WNK1: variants seen among roughly 807,000 people sequenced by gnomAD.
The protein encoded by WNK1 is serine/threonine-protein kinase WNK1.
Under a neutral mutation model 222.8 loss-of-function variants are expected in WNK1, and 38 were observed. That is an observed-to-expected ratio of 0.17 (90% CI 0.13 to 0.22). The LOEUF is 0.22. Ranked by LOEUF, WNK1 falls within the 10% of genes least tolerant of loss-of-function variation. The pLI, the probability that WNK1 is intolerant of heterozygous loss-of-function variation, is 1.00. For missense variants in WNK1, 2,348 were observed against 2,918.4 expected (o/e 0.80, Z 4.50); for synonymous variants, 1,090 against 1,092.9 (o/e 1.00, Z 0.05).
At chr12:793,466 G>A (rs1236038229) in intron 1 of WNK1, among the ~76,000 whole-genome samples, 1 of 152,008 alleles carries the variant, frequency 6.6e-6, no homozygotes, top group East Asian at 1.9e-4. Flanking sequence ...TTTTTCAATT[G>A]GTAGTAAAAC....
rs535384213 is a variant in WNK1 at position 802,147 on chromosome 12, T to TTAC, written c.760-11495_760-11494insTAC. 7.9e-5 allele frequency among the ~76,000 whole-genome samples: 12 copies of TTAC among 152,294 alleles called. No individual in the cohort carries two copies. In the South Asian group the frequency reaches 2.5e-3, roughly 32 times the overall value. ...AATATGGTACATATACTTCTAGAAATAGTAGATATTTTAGGTTGTACGTGA... is the reference window on the plus strand; with the variant it reads ...AATATGGTACATATACTTCTAGAAATTACAGTAGATATTTTAGGTTGTACGTGA... On this transcript the variant is annotated intron_variant, in intron 1 of 27. Coordinates refer to ENST00000315939, the MANE Select transcript of WNK1 (RefSeq NM_018979.4).
intron 1 of WNK1, among the ~76,000 whole-genome samples, chr12:786,688 A>T (rs1944340085): frequency 6.6e-6 from 1 of 152,114 alleles, no homozygotes; most frequent in Admixed American, 6.6e-5. Context: ...GCTGGTGTCG[A>T]ACTCCTTACC....
At chr12:882,922 A>T (rs1953309268) in intron 14 of WNK1, 21 bp from the exon 15 acceptor site, 1 of 1,435,362 alleles carries the variant, frequency 7.0e-7, no homozygotes. Flanking sequence ...TTTGGAGATG[A>T]TGTACCTTTT....
rs1196870120 is a variant in WNK1, at chr12:909,844, A to T, written c.*1052A>T. 1.3e-5 allele frequency: 2 copies of T among 152,202 alleles called. No homozygotes were observed. The highest frequency in any genetic ancestry group is 4.8e-5 in the African/African-American group (2 of 41,448). 9.4% of individuals were successfully genotyped at this position (152,202 alleles called of 1,614,324 possible). A position where few individuals can be genotyped will look rare whatever the true frequency, so the allele number is the denominator to read the frequency against. On this transcript the variant is annotated 3_prime_UTR_variant, in exon 28 of 28. Coordinates refer to ENST00000315939, the MANE Select transcript of WNK1 (RefSeq NM_018979.4). ...AGGGAAATTGAAAAAGTATTTTTTT[A>T]AGTCATTCAACAACTTTGTCTAGAG...
intron 1 of WNK1, among the ~76,000 whole-genome samples, chr12:803,555 G>A (rs1946079030): frequency 6.6e-6 from 1 of 152,116 alleles, no homozygotes; most frequent in Admixed American, 6.6e-5. Context: ...GGCTGAGGCG[G>A]GTGGATCACC....
chr12:784,308 A>T (rs11064531), intron 1 of WNK1, among the ~76,000 whole-genome samples: 1 of 152,112 alleles, frequency 6.6e-6, no homozygotes, highest in African/African-American at 2.4e-5. Context: ...GCTAATGGCT[A>T]CTATTACTGG....
chr12:807,351 T>C (rs963109613), intron 1 of WNK1, among the ~76,000 whole-genome samples: 2 of 151,984 alleles, frequency 1.3e-5, no homozygotes. Flanking sequence ...CTTTTATTTC[T>C]TTAAGTGAAA....
intron 4 of WNK1, among the ~76,000 whole-genome samples, chr12:839,205 A>G (rs1418063476): frequency 6.6e-6 from 1 of 152,210 alleles, no homozygotes; most frequent in Non-Finnish European, 1.5e-5. Context: ...GATTTTGAGT[A>G]TCTTGTCAAG....
intron 9 of WNK1, among the ~76,000 whole-genome samples, chr12:873,453 A>G (rs1273601885): frequency 6.6e-6 from 1 of 152,174 alleles, no homozygotes; most frequent in Non-Finnish European, 1.5e-5. Flanking sequence ...TTTGTTTTAG[A>G]TACTTTTATA....
chr12:812,174 T>G (rs1209909761), intron 1 of WNK1, among the ~76,000 whole-genome samples: 1 of 152,214 alleles, frequency 6.6e-6, no homozygotes, highest in Non-Finnish European at 1.5e-5. Flanking sequence ...CTTTGCAAGT[T>G]GATCATTCTG....
chr12:795,400 G>T (rs189112920), intron 1 of WNK1, among the ~76,000 whole-genome samples: 1 of 151,588 alleles, frequency 6.6e-6, no homozygotes, highest in Non-Finnish European at 1.5e-5. Flanking sequence ...TGTCAGTGGC[G>T]GGGCCAGCTG....
rs558602951 is a variant in WNK1, at chr12:790,668, G to T, written c.760-22974G>T. On this transcript the variant is annotated intron_variant, in intron 1 of 27. Transcript: ENST00000315939. ...TGCAACGTGCTCTGTGAGATTAAGG[G>T]CTCACAAGAAACTGCTAATCACAGT... is the stretch of plus-strand genomic sequence containing the variant. Among the ~76,000 whole-genome samples, 16 of 152,218 alleles carry T rather than the reference G, an allele frequency of 1.1e-4. 1 individual carries two copies. The South Asian group carries it at 2.5e-3, about 24-fold the overall frequency.
intron 2 of WNK1, among the ~76,000 whole-genome samples, chr12:822,384 C>A (rs1352845543): frequency 6.6e-6 from 1 of 152,144 alleles, no homozygotes; most frequent in African/African-American, 2.4e-5. Context: ...TAAGCCACCG[C>A]CCGCAGCCGT....
intron 1 of WNK1, among the ~76,000 whole-genome samples, chr12:803,894 C>T (rs1245123671): frequency 1.3e-5 from 2 of 152,122 alleles, no homozygotes; most frequent in Non-Finnish European, 2.9e-5. Flanking sequence ...TATGCTAAAA[C>T]CAATCCATTG....
In WNK1 at chr12:883,576, C is replaced by G. The variant is rs1048572799; in HGVS notation, c.3663+8C>G. The G allele has an allele frequency of 1.1e-5, 17 of 1,613,954 alleles. No individual in the cohort carries two copies. The Admixed American group carries it at 2.3e-4, about 22-fold the overall frequency. ...GGCTTTTCAGGTTCTCAGGTAGGTTCACCACTCCCATAGTGAAACTTTGTT... is the reference window on the plus strand; with the variant it reads ...GGCTTTTCAGGTTCTCAGGTAGGTTGACCACTCCCATAGTGAAACTTTGTT... On this transcript the variant is annotated splice_region_variant and intron_variant, in intron 16 of 27. Transcript: ENST00000315939.
intron 27 of WNK1, 115 bp from the exon 28 acceptor site, chr12:908,360 C>T (rs1462652071): frequency 2.6e-6 from 3 of 1,136,290 alleles, no homozygotes; most frequent in East Asian, 2.4e-5. Flanking sequence ...CCAATAAATA[C>T]TACAGAAGAC....
At chr12:882,847 G>A (rs1592162580) in intron 14 of WNK1, 96 bp from the exon 15 acceptor site, 1 of 801,644 alleles carries the variant, frequency 1.2e-6, no homozygotes. Flanking sequence ...TGCTTCCTTA[G>A]ACATAAAGTC....
rs1290299901 is a variant in WNK1, at chr12:871,313, G to A, written c.2188G>A (p.Val730Ile). Residue 730 changes from valine to isoleucine, a missense_variant, in exon 9 of 28, where the codon GTT becomes ATT. Val to Ile is a conservative substitution (Grantham distance 29). Around this residue, in one of 13 missense-constraint regions of WNK1, gnomAD observed 547 missense variants for 558.3 expected, o/e 0.98. Transcript: ENST00000315939. ...GQPSSSSLTG[V>I]SSSQPIQHPQ... ...GCCATCCTCAAGTAGCTTAACAGGG[G>A]TTTCATCTTCCCAACCCATACAACA... The A allele has an allele frequency of 6.2e-7, 1 of 1,614,108 alleles. No individual in the cohort carries two copies. Among genetic ancestry groups the A allele is most frequent in the Non-Finnish European group, 8.5e-7 (1 of 1,180,028 alleles).
intron 1 of WNK1, among the ~76,000 whole-genome samples, chr12:803,978 C>T (rs1400150523): frequency 1.3e-5 from 2 of 152,088 alleles, no homozygotes; most frequent in African/African-American, 4.8e-5. Flanking sequence ...TTACACTTAT[C>T]AAGAGATTAG....
Sources: gnomAD v4.1 joint callset for allele counts (sites outside exome capture counted in the v4.1 genomes callset) on GRCh38, gnomAD v4.1.1 for gene constraint, gnomAD v4.1.1 regional missense constraint, MANE v1.5 for transcripts, NCBI Gene and HGNC (gene_info 2026-07-23, HGNC 2026-07-21) for gene names.